The following PCSK6 variants were observed in gnomAD, a reference collection of about 807,000 sequenced individuals.
PCSK6 encodes paired basic amino acid cleaving enzyme 4.
A neutral mutation model predicts 123.3 loss-of-function variants in PCSK6; 85 were observed. The ratio of observed to expected loss-of-function variants is 0.69; its 90% CI spans 0.58 to 0.83. The LOEUF (loss-of-function observed/expected upper bound fraction) is 0.83, where lower values mean the gene tolerates loss of function less well. Ranked by LOEUF, PCSK6 falls within the 40% of genes least tolerant of loss-of-function variation. The pLI is 0.00. For missense variants in PCSK6, 1,191 were observed against 1,282.3 expected, an observed-to-expected ratio of 0.93 and a Z score of 1.09; for synonymous variants, 508 against 516.0, an observed-to-expected ratio of 0.98 and a Z score of 0.21.
At chr15:101,452,883 A>ACACTGGAG (rs2057072560) in intron 1 of PCSK6, among the ~76,000 whole-genome samples, 1 of 152,232 alleles carries the variant, frequency 6.6e-6, no homozygotes, top group African/African-American at 2.4e-5. Context: ...TGCAAAGGAC[A>ACACTGGAG]CACTGGAGCA....
intron 19 of PCSK6, among the ~76,000 whole-genome samples, chr15:101,316,037 G>A (rs2039983890): frequency 6.6e-6 from 1 of 152,224 alleles, no homozygotes; most frequent in Non-Finnish European, 1.5e-5. Context: ...CTGGGTGGGT[G>A]GTGGACAGCA....
chr15:101,337,984 A>G (rs1005814811), intron 13 of PCSK6, among the ~76,000 whole-genome samples: 2 of 152,170 alleles, frequency 1.3e-5, no homozygotes, highest in African/African-American at 2.4e-5. Flanking sequence ...CTTTTTCCCA[A>G]TAGAGTCCCG....
intron 1 of PCSK6, among the ~76,000 whole-genome samples, chr15:101,449,437 C>T (rs954526855): frequency 5.3e-5 from 8 of 152,036 alleles, no homozygotes; most frequent in East Asian, 1.9e-4. Context: ...TGCATATACA[C>T]GTGTATATAC....
At chr15:101,355,143 G>A (rs2041002730) in intron 13 of PCSK6, among the ~76,000 whole-genome samples, 3 of 152,248 alleles carry the variant, frequency 2.0e-5, no homozygotes, top group Non-Finnish European at 4.4e-5. Flanking sequence ...TTTGGAAACA[G>A]ATGAAAGATC....
chr15:101,479,623 G>A (rs896626368), intron 1 of PCSK6, among the ~76,000 whole-genome samples: 2 of 152,226 alleles, frequency 1.3e-5, no homozygotes, highest in African/African-American at 4.8e-5. Context: ...GAGACATCTG[G>A]TTTCCCATCT....
intron 1 of PCSK6, among the ~76,000 whole-genome samples, chr15:101,463,784 G>A (rs2141213093): frequency 6.6e-6 from 1 of 152,302 alleles, no homozygotes; most frequent in South Asian, 2.1e-4. Context: ...CCCACTGGGA[G>A]AAGAGGGTGT....
chr15:101,461,452 G>C (rs918856005), intron 1 of PCSK6, among the ~76,000 whole-genome samples: 8 of 152,178 alleles, frequency 5.3e-5, no homozygotes, highest in Admixed American at 1.3e-4. Context: ...GATCATCCCA[G>C]TCTTAAACAA....
At chr15:101,313,784 T>C in intron 19 of PCSK6, 2 of 386,388 alleles carry the variant, frequency 5.2e-6, no homozygotes, top group Non-Finnish European at 4.7e-6. Flanking sequence ...ATGGGCCCTG[T>C]TTCCAACAGG....
chr15:101,343,266 C>A (rs909892984), intron 13 of PCSK6, among the ~76,000 whole-genome samples: 1 of 152,116 alleles, frequency 6.6e-6, no homozygotes, highest in Non-Finnish European at 1.5e-5. Flanking sequence ...GGTCTACTTA[C>A]AAGTTTATCA....
chr15:101,489,681 G>T lies in PCSK6; in HGVS notation c.-11C>A. The T allele has an allele frequency of 1.0e-6, 1 of 972,186 alleles. No homozygotes were observed. 60.2% of individuals were successfully genotyped at this position (972,186 alleles called of 1,614,324 possible). ...CGCGCGCGGAGGCATAGCGGCGACA[G>T]GCTCGCGCGGCGCCCGAGCTGCGAG... On this transcript the variant is annotated 5_prime_UTR_variant, in exon 1 of 22. It adds an upstream start codon to the 5' untranslated region. Transcript: ENST00000611716.
At chr15:101,430,504 A>G (rs2056413347) in intron 4 of PCSK6, among the ~76,000 whole-genome samples, 1 of 152,222 alleles carries the variant, frequency 6.6e-6, no homozygotes, top group African/African-American at 2.4e-5. Context: ...ATAACGTCCA[A>G]GGTTTATCCA....
chr15:101,429,951 G>T, intron 5 of PCSK6, 36 bp downstream of exon 5: 1 of 1,535,264 alleles, frequency 6.5e-7, no homozygotes, highest in Non-Finnish European at 9.0e-7. Context: ...GCAGGGAGGG[G>T]AAGAGAAGCC....
chr15:101,457,418 G>A (rs1446231584), intron 1 of PCSK6, among the ~76,000 whole-genome samples: 3 of 152,180 alleles, frequency 2.0e-5, no homozygotes, highest in Non-Finnish European at 2.9e-5. Context: ...TGGAATGCTC[G>A]GCTCACGGCC....
chr15:101,304,999 C>T lies in PCSK6; in HGVS notation c.*259G>A, dbSNP rs2039688894. 7 of 471,588 alleles carry T rather than the reference C, an allele frequency of 1.5e-5. No individual in the cohort carries two copies. The highest frequency in any genetic ancestry group is 2.7e-5 in the Non-Finnish European group (7 of 263,096). The allele number at this position is 471,588 out of a possible 1,614,324, so 29.2% of individuals were successfully genotyped here. On this transcript the variant is annotated 3_prime_UTR_variant, in exon 22 of 22. Transcript: ENST00000611716. ...CTCCAAAGCCAGAGCTGTGGATTCC[C>T]AGAATTCATTTTGTTCCTGTTAGTT...
At chr15:101,425,544 T>C (rs567484251) in intron 6 of PCSK6, among the ~76,000 whole-genome samples, 1 of 152,256 alleles carries the variant, frequency 6.6e-6, no homozygotes, top group Admixed American at 6.5e-5. Flanking sequence ...CTGGAATTAA[T>C]AGTATACTAT....
At chr15:101,371,818 C>T (rs1222881675) in intron 11 of PCSK6, among the ~76,000 whole-genome samples, 1 of 152,186 alleles carries the variant, frequency 6.6e-6, no homozygotes, top group Non-Finnish European at 1.5e-5. Context: ...TCATGCTGAT[C>T]GAGGGTGCCA....
intron 19 of PCSK6, 173 bp from the exon 20 acceptor site, chr15:101,313,678 G>C (rs1284585970): frequency 1.1e-6 from 1 of 883,814 alleles, no homozygotes; most frequent in African/African-American, 1.7e-5. Flanking sequence ...CCACTCCCAG[G>C]AGGTGGGCAT....
At chr15:101,354,247 TAC>T (rs1036732485) in intron 13 of PCSK6, among the ~76,000 whole-genome samples, 15 of 152,204 alleles carry the variant, frequency 9.9e-5, no homozygotes, top group African/African-American at 3.1e-4. Context: ...TGCCCACATA[TAC>T]ACACATACAT....
At chr15:101,440,726 A>G (rs780942886) in intron 2 of PCSK6, among the ~76,000 whole-genome samples, 16 of 152,248 alleles carry the variant, frequency 1.1e-4, no homozygotes, top group Non-Finnish European at 1.8e-4. Flanking sequence ...ATGTGAAGGT[A>G]TCATAAAAAT....
Sources: allele counts gnomAD v4.1 joint callset (sites outside exome capture counted in the v4.1 genomes callset), GRCh38; gene constraint gnomAD v4.1.1; transcripts MANE v1.5; gene names NCBI Gene and HGNC (gene_info 2026-07-23, HGNC 2026-07-21).